The following BACH2 variants were observed in gnomAD, a reference collection of about 807,000 sequenced individuals.
BACH2 encodes the protein transcription regulator protein BACH2.
Under a neutral mutation model 61.8 loss-of-function variants are expected in BACH2, and 5 were observed. The observed-to-expected ratio is 0.08, with a 90% CI of 0.04 to 0.17. BACH2 has a LOEUF of 0.17. Ranked by LOEUF, BACH2 falls within the 10% of genes least tolerant of loss-of-function variation. BACH2 has a pLI of 1.00. For missense variants in BACH2, 824 were observed against 1,091.1 expected, an observed-to-expected ratio of 0.76 and a Z score of 3.45; for synonymous variants, 446 against 440.1, an observed-to-expected ratio of 1.01 and a Z score of -0.17.
chr6:90,040,042 C>T lies in BACH2; in HGVS notation c.-12-31186G>A, dbSNP rs1339307100. On this transcript the variant is annotated intron_variant, in intron 5 of 8. Coordinates refer to ENST00000257749, the MANE Select transcript of BACH2 (RefSeq NM_021813.4). ...TTTGTCACTTTTTTTTTTTTTTGGC[C>T]GTGGTTTATGGTGGTATTTGCTGCT... 5.4e-5 allele frequency among the ~76,000 whole-genome samples: 8 copies of T among 147,428 alleles called. No individual in the cohort carries two copies. The East Asian group carries it at 8.0e-4, about 15-fold the overall frequency.
intron 3 of BACH2, among the ~76,000 whole-genome samples, chr6:90,229,360 T>C (rs2127859473): frequency 6.6e-6 from 1 of 152,148 alleles, no homozygotes; most frequent in East Asian, 1.9e-4. Flanking sequence ...CTCTGGAGGC[T>C]GAGGCCAGAG....
At chr6:90,161,374 C>A (rs1785187079) in intron 4 of BACH2, among the ~76,000 whole-genome samples, 1 of 152,118 alleles carries the variant, frequency 6.6e-6, no homozygotes, top group African/African-American at 2.4e-5. Flanking sequence ...TAATGAAACA[C>A]AGCACTTTAC....
intron 4 of BACH2, among the ~76,000 whole-genome samples, chr6:90,190,285 A>T (rs1271341970): frequency 6.6e-6 from 1 of 152,362 alleles, no homozygotes; most frequent in East Asian, 1.9e-4. Context: ...AGCGTCTGAG[A>T]TTCCAAATAG....
intron 4 of BACH2, among the ~76,000 whole-genome samples, chr6:90,170,576 C>G (rs1330371891): frequency 1.3e-5 from 2 of 152,076 alleles, no homozygotes; most frequent in Non-Finnish European, 2.9e-5. Flanking sequence ...GAAAAAAAGA[C>G]AAAATCTTGA....
chr6:90,191,476 GT>G (rs1768570081), intron 4 of BACH2, among the ~76,000 whole-genome samples: 1 of 152,186 alleles, frequency 6.6e-6, no homozygotes, highest in Non-Finnish European at 1.5e-5. Flanking sequence ...TTGTATTTGT[GT>G]TTAGTTCATT....
intron 5 of BACH2, among the ~76,000 whole-genome samples, chr6:90,016,819 TC>T (rs1253795883): frequency 8.5e-5 from 13 of 152,208 alleles, no homozygotes; most frequent in African/African-American, 3.1e-4. Flanking sequence ...TTTTTTTTTT[TC>T]TTTTCAGTAC....
intron 5 of BACH2, among the ~76,000 whole-genome samples, chr6:90,082,161 A>G (rs1286488956): frequency 6.6e-6 from 1 of 152,050 alleles, no homozygotes; most frequent in East Asian, 1.9e-4. Flanking sequence ...GGCTAACTCA[A>G]CCTTTCCCAT....
chr6:89,988,513 T>C (rs918404115), intron 6 of BACH2, among the ~76,000 whole-genome samples: 3 of 152,184 alleles, frequency 2.0e-5, no homozygotes, highest in African/African-American at 4.8e-5. Context: ...GCTCAAAGCC[T>C]TTCCTCCTTA....
chr6:89,976,590 G>A (rs536935094), intron 6 of BACH2, among the ~76,000 whole-genome samples: 7 of 152,222 alleles, frequency 4.6e-5, no homozygotes, highest in South Asian at 2.1e-4. Flanking sequence ...TTTTAGAAAC[G>A]GTTTGAATGA....
intron 1 of BACH2, among the ~76,000 whole-genome samples, chr6:90,294,997 T>A (rs185314222): frequency 6.6e-6 from 1 of 152,350 alleles, no homozygotes; most frequent in Non-Finnish European, 1.5e-5. Flanking sequence ...ATTACCCTTT[T>A]TAGTTAAATA....
intron 6 of BACH2, among the ~76,000 whole-genome samples, chr6:89,984,895 T>C (rs1196729511): frequency 6.6e-6 from 1 of 152,186 alleles, no homozygotes. Context: ...ATAAACACAA[T>C]TATTTTGAAA....
intron 4 of BACH2, among the ~76,000 whole-genome samples, chr6:90,162,203 T>C (rs569055116): frequency 6.6e-6 from 1 of 152,368 alleles, no homozygotes; most frequent in Non-Finnish European, 1.5e-5. Flanking sequence ...TGGAGCTTTA[T>C]AAATGTTGAA....
chr6:90,124,806 T>C (rs1484361138), intron 4 of BACH2, among the ~76,000 whole-genome samples: 1 of 152,198 alleles, frequency 6.6e-6, no homozygotes, highest in East Asian at 1.9e-4. Flanking sequence ...TCAACCAGTG[T>C]GCAATTTTAC....
chr6:90,085,554 G>C (rs1017473031), intron 5 of BACH2, among the ~76,000 whole-genome samples: 1 of 152,190 alleles, frequency 6.6e-6, no homozygotes, highest in African/African-American at 2.4e-5. Flanking sequence ...GACCACAGTT[G>C]TTTAAGGCAA....
At chr6:90,117,295 C>T (rs1175354943) in intron 4 of BACH2, among the ~76,000 whole-genome samples, 1 of 152,110 alleles carries the variant, frequency 6.6e-6, no homozygotes, top group Non-Finnish European at 1.5e-5. Context: ...TCTGCTCCAG[C>T]CATCTTGAAT....
chr6:89,966,560 A>G (rs1405800666), intron 6 of BACH2, among the ~76,000 whole-genome samples: 1 of 152,200 alleles, frequency 6.6e-6, no homozygotes. Context: ...CCTGAATAAG[A>G]GCATGAAGTC....
chr6:90,023,676 T>C (rs1174355005), intron 5 of BACH2, among the ~76,000 whole-genome samples: 2 of 152,104 alleles, frequency 1.3e-5, no homozygotes, highest in Admixed American at 6.6e-5. Flanking sequence ...TATTTGGAGG[T>C]GGGGCCTTTG....
rs140859288 is a variant in BACH2 at position 90,071,927 on chromosome 6, C to T, written c.-13+17034G>A. ...ATCATCATAAAGGGCTTCATCCTCA[C>T]GGTATTCACATTGAGCAGACTGAGG... On this transcript the variant is annotated intron_variant, in intron 5 of 8. Transcript: ENST00000257749. Among the ~76,000 whole-genome samples, 1,137 of 152,134 alleles carry T rather than the reference C, an allele frequency of 7.5e-3. 5 individuals carry two copies. Among genetic ancestry groups the T allele is most frequent in the Non-Finnish European group, 0.012 (819 of 68,000 alleles).
At chr6:90,149,606 A>G (rs533942185) in intron 4 of BACH2, among the ~76,000 whole-genome samples, 1 of 152,360 alleles carries the variant, frequency 6.6e-6, no homozygotes, top group African/African-American at 2.4e-5. Context: ...CGAAACATTC[A>G]AAAGGATATA....
Sources: allele counts gnomAD v4.1 joint callset (sites outside exome capture counted in the v4.1 genomes callset), GRCh38; gene constraint gnomAD v4.1.1; transcripts MANE v1.5; gene names NCBI Gene and HGNC (gene_info 2026-07-23, HGNC 2026-07-21).